The following CDH18 variants were observed in gnomAD, a reference collection of about 807,000 sequenced individuals.
CDH18 encodes the protein cadherin-18.
In CDH18, 31 loss-of-function variants were observed where a neutral mutation model predicts 67.9. That is an observed-to-expected ratio of 0.46 (90% confidence interval 0.34 to 0.62). CDH18 has a LOEUF of 0.62. Ranked by LOEUF, CDH18 falls within the 20% of genes least tolerant of loss-of-function variation. The pLI is 0.01. For missense variants in CDH18, 890 were observed against 975.5 expected (o/e 0.91, Z 1.17); for synonymous variants, 362 against 347.2 (o/e 1.04, Z -0.48).
At chr5:20,003,602 T>C (rs2150404068) in intron 2 of CDH18, among the ~76,000 whole-genome samples, 1 of 152,282 alleles carries the variant, frequency 6.6e-6, no homozygotes, top group Non-Finnish European at 1.5e-5. Context: ...ATTTATAAAA[T>C]AGACATAATA....
At chr5:19,651,565 A>G (rs1755586993) in intron 5 of CDH18, among the ~76,000 whole-genome samples, 1 of 152,064 alleles carries the variant, frequency 6.6e-6, no homozygotes, top group Non-Finnish European at 1.5e-5. Flanking sequence ...AATCAGAGAC[A>G]GTATTTCATC....
intron 2 of CDH18, among the ~76,000 whole-genome samples, chr5:20,075,586 G>GC (rs762324365): frequency 6.6e-6 from 1 of 152,094 alleles, no homozygotes; most frequent in Non-Finnish European, 1.5e-5. Flanking sequence ...TAGGACCTAA[G>GC]CATTTTACGT....
At chr5:19,992,149 T>C (rs1800020762), upstream of CDH18, 1 of 152,118 alleles carries the variant, frequency 6.6e-6, no homozygotes. Context: ...GCATATTCCT[T>C]ACTCATAATA....
At chr5:19,527,292 A>T (rs1747890659) in intron 9 of CDH18, among the ~76,000 whole-genome samples, 1 of 151,430 alleles carries the variant, frequency 6.6e-6, no homozygotes, top group Admixed American at 6.6e-5. Context: ...AGTTTTAGTT[A>T]AAAAAAAGTG....
At chr5:19,520,621 C>A in intron 10 of CDH18, 36 bp downstream of exon 10, 5 of 1,576,676 alleles carry the variant, frequency 3.2e-6, no homozygotes, top group Non-Finnish European at 4.3e-6. Context: ...TGCATTTATT[C>A]CATTCAAATG....
chr5:20,010,139 C>T (rs964184334), intron 2 of CDH18, among the ~76,000 whole-genome samples: 2 of 149,460 alleles, frequency 1.3e-5, no homozygotes, highest in Non-Finnish European at 3.0e-5. Context: ...TCTCATTTAC[C>T]ACACAACCTA....
At chr5:19,765,460 C>T (rs1193436227) in intron 3 of CDH18, among the ~76,000 whole-genome samples, 9 of 151,678 alleles carry the variant, frequency 5.9e-5, no homozygotes, top group Non-Finnish European at 8.8e-5. Context: ...TTTCTCATCA[C>T]ATTTTTTCTC....
At chr5:19,688,998 T>C (rs1395508495) in intron 5 of CDH18, among the ~76,000 whole-genome samples, 1 of 152,060 alleles carries the variant, frequency 6.6e-6, no homozygotes, top group Non-Finnish European at 1.5e-5. Context: ...ATAAAAAGTT[T>C]TTAAAAGAAT....
At chr5:20,224,547 TTTTA>T (rs914139702) in intron 2 of CDH18, among the ~76,000 whole-genome samples, 2 of 151,936 alleles carry the variant, frequency 1.3e-5, no homozygotes, top group African/African-American at 4.8e-5. Flanking sequence ...TGTTTTAATA[TTTTA>T]TTTATTACCA....
At chr5:20,354,190 T>C (rs1741423666) in intron 1 of CDH18, among the ~76,000 whole-genome samples, 1 of 152,216 alleles carries the variant, frequency 6.6e-6, no homozygotes, top group Non-Finnish European at 1.5e-5. Flanking sequence ...CATTCTAAAA[T>C]GTAAGATAAA....
At chr5:20,232,611 C>T (rs368081486) in intron 2 of CDH18, among the ~76,000 whole-genome samples, 118 of 152,174 alleles carry the variant, frequency 7.8e-4, no homozygotes, top group African/African-American at 2.8e-3. Context: ...CCATGCCAGA[C>T]GGCATGTAGT....
intron 2 of CDH18, among the ~76,000 whole-genome samples, chr5:20,248,992 T>C (rs986431317): frequency 1.3e-5 from 2 of 152,148 alleles, no homozygotes; most frequent in African/African-American, 4.8e-5. Context: ...AATTTTTTCA[T>C]GTAGTAACAT....
chr5:20,561,550 CTA>C (rs1303178491), intron 1 of CDH18, among the ~76,000 whole-genome samples: 1 of 151,842 alleles, frequency 6.6e-6, no homozygotes, highest in Non-Finnish European at 1.5e-5. Flanking sequence ...TACTGGAAAA[CTA>C]TGTAGTCAAA....
chr5:19,786,010 CAGG>C (rs942168937), intron 3 of CDH18, among the ~76,000 whole-genome samples: 7 of 151,628 alleles, frequency 4.6e-5, no homozygotes, highest in African/African-American at 1.5e-4. Flanking sequence ...TTTGAAGCAG[CAGG>C]AGGATTACAG....
chr5:19,539,769 C>G (rs1317876783), intron 9 of CDH18, among the ~76,000 whole-genome samples: 1 of 152,156 alleles, frequency 6.6e-6, no homozygotes, highest in East Asian at 1.9e-4. Context: ...ATGACCAGAA[C>G]AGCCTGGAAA....
At chr5:20,512,210 G>A (rs1456397908) in intron 1 of CDH18, among the ~76,000 whole-genome samples, 1 of 152,030 alleles carries the variant, frequency 6.6e-6, no homozygotes, top group Non-Finnish European at 1.5e-5. Context: ...GCAACAGAGT[G>A]AGACTCTGTC....
intron 11 of CDH18, among the ~76,000 whole-genome samples, chr5:19,489,008 C>T (rs1195640769): frequency 3.3e-5 from 5 of 151,954 alleles, no homozygotes; most frequent in Non-Finnish European, 7.4e-5. Flanking sequence ...TGATCTGCAC[C>T]CTGGAATGTC....
chr5:20,116,644 T>C (rs1057036348), intron 2 of CDH18, among the ~76,000 whole-genome samples: 6 of 152,212 alleles, frequency 3.9e-5, no homozygotes, highest in African/African-American at 1.4e-4. Context: ...AATTTACTTC[T>C]TTTCTAATAT....
chr5:19,821,238 CA>C (rs1444841405), intron 3 of CDH18, among the ~76,000 whole-genome samples: 1 of 151,896 alleles, frequency 6.6e-6, no homozygotes, highest in African/African-American at 2.4e-5. Context: ...ATGACGTAGC[CA>C]TTTTTAGAAA....
Sources: gnomAD v4.1 joint callset for allele counts (sites outside exome capture counted in the v4.1 genomes callset) on GRCh38, gnomAD v4.1.1 for gene constraint, MANE v1.5 for transcripts, NCBI Gene and HGNC (gene_info 2026-07-23, HGNC 2026-07-21) for gene names.